RAP1GDS1: variants seen among roughly 807,000 people sequenced by gnomAD.
RAP1GDS1 encodes the protein Rap1 GTPase-GDP dissociation stimulator 1.
A neutral mutation model predicts 71.1 loss-of-function variants in RAP1GDS1; 35 were observed. The ratio of observed to expected loss-of-function variants is 0.49; its 90% CI spans 0.38 to 0.65. The LOEUF (loss-of-function observed/expected upper bound fraction) is 0.65, where lower values mean the gene tolerates loss of function less well. Ranked by LOEUF, RAP1GDS1 falls within the 30% of genes least tolerant of loss-of-function variation. The pLI, the probability that RAP1GDS1 is intolerant of heterozygous loss-of-function variation, is 0.00. For synonymous variants in RAP1GDS1, 229 were observed against 243.1 expected, an observed-to-expected ratio of 0.94 and a Z score of 0.54; for missense variants, 663 against 706.1, an observed-to-expected ratio of 0.94 and a Z score of 0.69.
At chr4:98,373,622 C>T (rs1005331369) in intron 4 of RAP1GDS1, among the ~76,000 whole-genome samples, 2 of 152,124 alleles carry the variant, frequency 1.3e-5, no homozygotes, top group Non-Finnish European at 2.9e-5. Flanking sequence ...CAGTAGTGCC[C>T]CCTTATCCAC....
chr4:98,288,733 G>A (rs1169308011), intron 1 of RAP1GDS1, among the ~76,000 whole-genome samples: 1 of 152,144 alleles, frequency 6.6e-6, no homozygotes, highest in Non-Finnish European at 1.5e-5. Flanking sequence ...TCTAACTGGT[G>A]TGAGATGGTA....
intron 5 of RAP1GDS1, among the ~76,000 whole-genome samples, chr4:98,381,375 A>ATTCT (rs1366894117): frequency 6.6e-6 from 1 of 151,462 alleles, no homozygotes; most frequent in Admixed American, 6.6e-5. Flanking sequence ...TTGTGAAGTG[A>ATTCT]TTCTTTTTCT....
intron 12 of RAP1GDS1, among the ~76,000 whole-genome samples, chr4:98,430,371 A>G (rs1750228775): frequency 6.6e-6 from 1 of 152,234 alleles, no homozygotes; most frequent in African/African-American, 2.4e-5. Context: ...TAATGAGCAG[A>G]ACTATAAAGT....
intron 1 of RAP1GDS1, among the ~76,000 whole-genome samples, chr4:98,265,051 T>G (rs576716627): frequency 4.6e-5 from 7 of 152,224 alleles, no homozygotes; most frequent in Non-Finnish European, 1.0e-4. Flanking sequence ...TTTTATGTAG[T>G]TAAGTGATGG....
At chr4:98,378,693 A>G (rs1741535959) in intron 4 of RAP1GDS1, among the ~76,000 whole-genome samples, 1 of 151,892 alleles carries the variant, frequency 6.6e-6, no homozygotes, top group African/African-American at 2.4e-5. Flanking sequence ...TTTCTCTTAC[A>G]CAGCATTGTC....
chr4:98,443,021 T>TTTTC lies in RAP1GDS1; in HGVS notation c.*907_*908insCTTT, dbSNP rs1325300730. On this transcript the variant is annotated 3_prime_UTR_variant, in exon 15 of 15. Transcript: ENST00000408927. ...TAGTTCATTGAAGAATGGAATTTTT[T>TTTTC]TTTTTTTTTTTTTTTTTGCTGTTTT... 2.7e-4 allele frequency: 57 copies of TTTTC among 210,138 alleles called. No homozygotes were observed. The highest frequency in any genetic ancestry group is 6.1e-4 in the Admixed American group (10 of 16,444). The allele number at this position is 210,138 out of a possible 1,614,324, so 13.0% of individuals were successfully genotyped here. A position where few individuals can be genotyped will look rare whatever the true frequency, so the allele number is the denominator to read the frequency against.
At chr4:98,331,297 G>GAA (rs900877326) in intron 2 of RAP1GDS1, among the ~76,000 whole-genome samples, 34 of 151,142 alleles carry the variant, frequency 2.2e-4, no homozygotes, top group African/African-American at 8.0e-4. Context: ...GGGAGACGGA[G>GAA]ACGAAGGAGA....
chr4:98,308,869 G>A (rs1487760800), intron 2 of RAP1GDS1, among the ~76,000 whole-genome samples: 1 of 151,996 alleles, frequency 6.6e-6, no homozygotes, highest in African/African-American at 2.4e-5. Flanking sequence ...ATCTAGTAAT[G>A]TATAGTTTCA....
intron 4 of RAP1GDS1, among the ~76,000 whole-genome samples, chr4:98,358,137 A>G (rs1738210864): frequency 6.6e-6 from 1 of 152,002 alleles, no homozygotes; most frequent in Non-Finnish European, 1.5e-5. Context: ...AAAAAGGAAT[A>G]TTTTAGTTCT....
At chr4:98,408,322 G>C (rs138586303) in intron 7 of RAP1GDS1, among the ~76,000 whole-genome samples, 1 of 151,840 alleles carries the variant, frequency 6.6e-6, no homozygotes, top group Non-Finnish European at 1.5e-5. Flanking sequence ...TAGTAGACAC[G>C]GGGTTTCACC....
Position 98,443,764 on chromosome 4 carries a change from G to A in RAP1GDS1, c.*1647G>A, listed in dbSNP as rs181519738. The A allele has an allele frequency of 5.3e-6, 1 of 189,106 alleles. No individual in the cohort carries two copies. Among genetic ancestry groups the A allele is most frequent in the Admixed American group, 6.2e-5 (1 of 16,210 alleles). The allele number at this position is 189,106 out of a possible 1,614,324, so 11.7% of individuals were successfully genotyped here. A position where few individuals can be genotyped will look rare whatever the true frequency, so the allele number is the denominator to read the frequency against. ...TGTTTGTTGTCTTTCTCCTGGGCTGGATAGTGGACTATATTTTATTACAGG... is the reference window on the plus strand; with the variant it reads ...TGTTTGTTGTCTTTCTCCTGGGCTGAATAGTGGACTATATTTTATTACAGG... On this transcript the variant is annotated 3_prime_UTR_variant, in exon 15 of 15. Coordinates refer to ENST00000408927, the MANE Select transcript of RAP1GDS1 (RefSeq NM_001100427.2).
chr4:98,289,693 G>A lies in RAP1GDS1; in HGVS notation c.5-3715G>A. 1.3e-5 allele frequency among the ~76,000 whole-genome samples: 2 copies of A among 151,708 alleles called. 1 individual carries two copies. Among genetic ancestry groups the A allele is most frequent in the Non-Finnish European group, 2.9e-5 (2 of 67,946 alleles). ...AAACTACTATTCCTACTTCATTAGA[G>A]AAGCTTTTAAAAATAGCTTCATTCT... is the stretch of plus-strand genomic sequence containing the variant. On this transcript the variant is annotated intron_variant, in intron 1 of 14. Coordinates refer to ENST00000408927, the MANE Select transcript of RAP1GDS1 (RefSeq NM_001100427.2).
At chr4:98,305,338 T>C (rs1729166972) in intron 2 of RAP1GDS1, among the ~76,000 whole-genome samples, 1 of 152,222 alleles carries the variant, frequency 6.6e-6, no homozygotes, top group Non-Finnish European at 1.5e-5. Context: ...ATGTCTTCTC[T>C]GATTTCCTTG....
At chr4:98,409,070 AACTC>A (rs1746598862) in intron 7 of RAP1GDS1, among the ~76,000 whole-genome samples, 2 of 152,288 alleles carry the variant, frequency 1.3e-5, no homozygotes, top group South Asian at 4.1e-4. Context: ...AAAGCAATAA[AACTC>A]TCATTCATTT....
At chr4:98,365,898 T>A (rs971476418) in intron 4 of RAP1GDS1, among the ~76,000 whole-genome samples, 4 of 152,168 alleles carry the variant, frequency 2.6e-5, no homozygotes, top group African/African-American at 9.7e-5. Context: ...AACCATATTA[T>A]CATGTCCATG....
At chr4:98,417,855 C>T (rs531923535) in intron 9 of RAP1GDS1, among the ~76,000 whole-genome samples, 1 of 152,188 alleles carries the variant, frequency 6.6e-6, no homozygotes, top group Admixed American at 6.5e-5. Flanking sequence ...TATTGTGCCT[C>T]AACTTATATA....
intron 6 of RAP1GDS1, 146 bp downstream of exon 6, chr4:98,392,226 TA>T: frequency 7.8e-6 from 6 of 770,214 alleles, no homozygotes; most frequent in Non-Finnish European, 9.6e-6. Context: ...ATCAATATTT[TA>T]AAAAGTAAAT....
At position 98,443,337 on chromosome 4, in the gene RAP1GDS1, T is replaced by C. The variant is rs999517099; in HGVS notation, c.*1220T>C. ...ATGAGAAGACCCCCTTGGCGAAATA[T>C]AGTGTACTCTTCACTGCCACTGCCA... On this transcript the variant is annotated 3_prime_UTR_variant, in exon 15 of 15. Transcript: ENST00000408927. 1.7e-5 allele frequency: 4 copies of C among 231,440 alleles called. No individual in the cohort carries two copies. The highest frequency in any genetic ancestry group is 1.1e-4 in the Admixed American group (2 of 17,698). 14.3% of individuals were successfully genotyped at this position (231,440 alleles called of 1,614,324 possible). A position where few individuals can be genotyped will look rare whatever the true frequency, so the allele number is the denominator to read the frequency against.
intron 12 of RAP1GDS1, among the ~76,000 whole-genome samples, chr4:98,421,945 C>T (rs889483762): frequency 6.6e-6 from 1 of 151,978 alleles, no homozygotes; most frequent in Non-Finnish European, 1.5e-5. Context: ...CACCTGTAAT[C>T]CCAGCACTTT....
Sources: allele counts gnomAD v4.1 joint callset (sites outside exome capture counted in the v4.1 genomes callset), GRCh38; gene constraint gnomAD v4.1.1; transcripts MANE v1.5; gene names NCBI Gene and HGNC (gene_info 2026-07-23, HGNC 2026-07-21).